The following SCD variants were observed in gnomAD, a reference collection of about 807,000 sequenced individuals.
The protein encoded by SCD is stearoyl-CoA desaturase.
A neutral mutation model predicts 35.7 loss-of-function variants in SCD; 4 were observed. The observed-to-expected ratio is 0.11, with a 90% CI of 0.06 to 0.26. The LOEUF (loss-of-function observed/expected upper bound fraction) is 0.26, where lower values mean the gene tolerates loss of function less well. Ranked by LOEUF, SCD falls within the 10% of genes least tolerant of loss-of-function variation. The pLI is 1.00. For missense variants in SCD, 282 were observed against 460.7 expected (o/e 0.61, Z 3.55); for synonymous variants, 150 against 170.2 (o/e 0.88, Z 0.92).
chr10:100,357,118 A>C (rs999796795), intron 5 of SCD, among the ~76,000 whole-genome samples: 1 of 152,236 alleles, frequency 6.6e-6, no homozygotes, highest in African/African-American at 2.4e-5. Context: ...GTTTGAGACC[A>C]GTCTGGCCAA....
At chr10:100,347,967 A>G (rs1221990393) in intron 1 of SCD, 97 bp from the exon 2 acceptor site, 8 of 1,262,504 alleles carry the variant, frequency 6.3e-6, no homozygotes, top group Non-Finnish European at 5.6e-6. Flanking sequence ...AAGGGTCCGT[A>G]CTGTCCACCC....
intron 3 of SCD, among the ~76,000 whole-genome samples, chr10:100,353,313 C>T (rs1039572515): frequency 2.0e-5 from 3 of 152,098 alleles, no homozygotes; most frequent in Admixed American, 6.6e-5. Flanking sequence ...AACCTGGGCA[C>T]GGTGGCTCAC....
At chr10:100,359,917 C>T (rs917313174) in intron 5 of SCD, among the ~76,000 whole-genome samples, 1 of 152,186 alleles carries the variant, frequency 6.6e-6, no homozygotes, top group African/African-American at 2.4e-5. Context: ...GTTTGTTTTC[C>T]TCCCTCCAGC....
chr10:100,363,569 C>T lies in SCD; in HGVS notation c.*2636C>T, dbSNP rs998477320. On this transcript the variant is annotated 3_prime_UTR_variant, in exon 6 of 6. Transcript: ENST00000370355. ...TCTAATTCCACAGGTCATCAGATGC[C>T]TGCTTGATAATATATAAACAATAAA... The T allele has an allele frequency of 2.6e-5, 4 of 152,212 alleles. No individual in the cohort carries two copies. The highest frequency in any genetic ancestry group is 2.1e-4 in the South Asian group (1 of 4,832). The allele number at this position is 152,212 out of a possible 1,614,324, so 9.4% of individuals were successfully genotyped here.
Position 100,364,181 on chromosome 10 carries a change from G to A in SCD, c.*3248G>A, listed in dbSNP as rs1216531940. 2 of 151,262 alleles carry A rather than the reference G, an allele frequency of 1.3e-5. No homozygotes were observed. The highest frequency in any genetic ancestry group is 6.6e-5 in the Admixed American group (1 of 15,192). The allele number at this position is 151,262 out of a possible 1,614,324, so 9.4% of individuals were successfully genotyped here. The stretch of plus-strand genomic sequence containing the variant: ...TTTAAAATGGAAAATTTTCTCCTTG[G>A]TTTGCTAGTATCTTGGGTGTATTCT... On this transcript the variant is annotated 3_prime_UTR_variant, in exon 6 of 6. Transcript: ENST00000370355.
Position 100,352,040 on chromosome 10 carries a change from G to A in SCD, c.311-326G>A, listed in dbSNP as rs975312514. Among the ~76,000 whole-genome samples, 1 of 152,184 alleles carries A rather than the reference G, an allele frequency of 6.6e-6. No individual in the cohort carries two copies. The highest frequency in any genetic ancestry group is 1.5e-5 in the Non-Finnish European group (1 of 68,034). The stretch of plus-strand genomic sequence containing the variant: ...AACCTTAGAGAAGGCCTAGATAGAG[G>A]TGAAAGGAGATAGCTAGGCCCTGGG... On this transcript the variant is annotated intron_variant, in intron 2 of 5. Transcript: ENST00000370355. The surrounding 1 kb of genome is among the most constrained non-coding windows in gnomAD (Gnocchi z 4.2).
intron 3 of SCD, among the ~76,000 whole-genome samples, chr10:100,353,582 CA>C (rs35108206): frequency 0.46 from 48,703 of 106,078 alleles, 8,212 homozygotes; most frequent in East Asian, 0.49. Flanking sequence ...GACTCCATCT[CA>C]AAAAAAAAAA....
At chr10:100,359,089 T>C (rs1209057418) in intron 5 of SCD, among the ~76,000 whole-genome samples, 1 of 152,226 alleles carries the variant, frequency 6.6e-6, no homozygotes, top group Admixed American at 6.5e-5. Context: ...ATGGAGTTTC[T>C]GGCATGAGAT....
chr10:100,353,294 C>CA (rs1849890218), intron 3 of SCD, among the ~76,000 whole-genome samples: 3 of 151,966 alleles, frequency 2.0e-5, no homozygotes, highest in African/African-American at 7.2e-5. Flanking sequence ...TTTGTTAAGG[C>CA]AAAAAACAAA....
rs1252780296 is a variant in SCD at position 100,361,120 on chromosome 10, A to T, written c.*187A>T. On this transcript the variant is annotated 3_prime_UTR_variant, in exon 6 of 6. Coordinates refer to ENST00000370355, the MANE Select transcript of SCD (RefSeq NM_005063.5). Reference sequence around the variant, plus strand: ...ACTCTGCCTTTATGATGCTAAGCTGATATTATTTCTTCTCTTATCCTCTCT... The same window carrying T: ...ACTCTGCCTTTATGATGCTAAGCTGTTATTATTTCTTCTCTTATCCTCTCT... 1 of 596,792 alleles carries T rather than the reference A, an allele frequency of 1.7e-6. No individual in the cohort carries two copies. Among genetic ancestry groups the T allele is most frequent in the Non-Finnish European group, 2.9e-6 (1 of 339,694 alleles). 37.0% of individuals were successfully genotyped at this position (596,792 alleles called of 1,614,324 possible). A position where few individuals can be genotyped will look rare whatever the true frequency, so the allele number is the denominator to read the frequency against.
chr10:100,358,563 C>T (rs1849954224), intron 5 of SCD, among the ~76,000 whole-genome samples: 1 of 134,372 alleles, frequency 7.4e-6, no homozygotes, highest in East Asian at 2.2e-4. Flanking sequence ...CTGCAGTCCG[C>T]AGTCCGGCCT....
intron 3 of SCD, among the ~76,000 whole-genome samples, chr10:100,353,522 T>C (rs1196107075): frequency 6.0e-5 from 9 of 150,346 alleles, no homozygotes; most frequent in African/African-American, 2.2e-4. Flanking sequence ...GAGGCAGAGC[T>C]TGCAGTGAGC....
rs1483629847 is a variant in SCD at position 100,356,297 on chromosome 10, G to A, written c.648-235G>A. Among the ~76,000 whole-genome samples, 1 of 152,078 alleles carries A rather than the reference G, an allele frequency of 6.6e-6. No individual in the cohort carries two copies. ...GAGGCTGGGGTGGGAGGATCTCTTG[G>A]CCCAGGAGTTCAAGGCTGTGGTGAA... On this transcript the variant is annotated intron_variant, in intron 4 of 5. Coordinates refer to ENST00000370355, the MANE Select transcript of SCD (RefSeq NM_005063.5). The surrounding 1 kb of genome is among the most constrained non-coding windows in gnomAD (Gnocchi z 4.1).
chr10:100,358,598 CAA>C (rs547927999), intron 5 of SCD, among the ~76,000 whole-genome samples: 5 of 78,592 alleles, frequency 6.4e-5, no homozygotes, highest in Non-Finnish European at 7.1e-5. Context: ...GACTCCGTCT[CAA>C]AAAAAAAAAA....
In SCD at chr10:100,363,505, G is replaced by C; in HGVS notation, c.*2572G>C. On this transcript the variant is annotated 3_prime_UTR_variant, in exon 6 of 6. Transcript: ENST00000370355. Reference sequence around the variant, plus strand: ...AAGATCACTGTAGTTTAGTTCTGTTGACCTGTGCACCTACCCCTTGGAAAT... The same window carrying C: ...AAGATCACTGTAGTTTAGTTCTGTTCACCTGTGCACCTACCCCTTGGAAAT... 1 of 152,232 alleles carries C rather than the reference G, an allele frequency of 6.6e-6. No individual in the cohort carries two copies. The highest frequency in any genetic ancestry group is 2.4e-5 in the African/African-American group (1 of 41,456). 9.4% of individuals were successfully genotyped at this position (152,232 alleles called of 1,614,324 possible).
intron 1 of SCD, 86 bp downstream of exon 1, chr10:100,347,617 G>A: frequency 2.0e-6 from 3 of 1,480,450 alleles, no homozygotes; most frequent in South Asian, 1.2e-5. Context: ...GAAGAGAGGG[G>A]AGAGCTCCGC....
chr10:100,358,363 G>A (rs952993774), intron 5 of SCD, among the ~76,000 whole-genome samples: 4 of 151,872 alleles, frequency 2.6e-5, no homozygotes, highest in East Asian at 1.9e-4. Context: ...AGGCCGAGGC[G>A]GGTGGATCAT....
Position 100,356,164 on chromosome 10 carries a change from G to A in SCD, c.648-368G>A. On this transcript the variant is annotated intron_variant, in intron 4 of 5. Coordinates refer to ENST00000370355, the MANE Select transcript of SCD (RefSeq NM_005063.5). This position sits in a 1 kb window ranked among gnomAD's most constrained non-coding sequence, Gnocchi z 4.1. The stretch of plus-strand genomic sequence containing the variant: ...GCTGAGGCGGGAGGATTGCTGGAAA[G>A]TTCAGGCATTCGAGACCAGCCTGGG... 6.6e-6 allele frequency among the ~76,000 whole-genome samples: 1 copy of A among 152,084 alleles called. No individual in the cohort carries two copies. The highest frequency in any genetic ancestry group is 3.2e-3 in the Middle Eastern group (1 of 316).
At chr10:100,348,448 G>A (rs915412046) in intron 2 of SCD, 102 bp downstream of exon 2, 7 of 1,237,042 alleles carry the variant, frequency 5.7e-6, no homozygotes, top group African/African-American at 4.5e-5. Context: ...CCAGCCTCCC[G>A]GTTGGGGTTT....
Sources: allele counts gnomAD v4.1 joint callset (sites outside exome capture counted in the v4.1 genomes callset), GRCh38; gene constraint gnomAD v4.1.1; non-coding constraint Gnocchi (gnomAD v3.1); transcripts MANE v1.5; gene names NCBI Gene and HGNC (gene_info 2026-07-23, HGNC 2026-07-21).